The following SLC22A17 variants were observed in gnomAD, a reference collection of about 807,000 sequenced individuals.
The protein encoded by SLC22A17 is solute carrier family 22 member 17.
SLC22A17 carries 38 observed loss-of-function variants against 53.6 expected under a neutral mutation model. That is an observed-to-expected ratio of 0.71 (90% confidence interval 0.55 to 0.93). The LOEUF (loss-of-function observed/expected upper bound fraction) is 0.93, where lower values mean the gene tolerates loss of function less well. SLC22A17 is among the 40% of genes least tolerant of loss of function. The pLI, the probability that SLC22A17 is intolerant of heterozygous loss-of-function variation, is 0.00. For missense variants in SLC22A17, 704 were observed against 791.0 expected (o/e 0.89, Z 1.32); for synonymous variants, 379 against 353.0 (o/e 1.07, Z -0.82).
rs756429235 is a variant in SLC22A17, at chr14:23,349,326, G to A, written c.805C>T (p.Arg269Ter). The A allele has an allele frequency of 1.2e-6, 2 of 1,614,082 alleles. No individual in the cohort carries two copies. Among genetic ancestry groups the A allele is most frequent in the South Asian group, 1.1e-5 (1 of 91,082 alleles). ...GCAAGCAGAAAGCCCAAGAGGAATC[G>A]GAGGGCCATGACGCCTGTGGAGGAG... Residue 269 changes from arginine to a stop codon, truncating the protein, a stop_gained, in exon 4 of 10, where the codon CGA becomes TGA. Transcript: ENST00000397267. LOFTEE classifies it high-confidence loss of function.
At position 23,347,578 on chromosome 14, in the gene SLC22A17, G is replaced by T; in HGVS notation, c.1431C>A (p.Gly477=). 2 of 1,614,068 alleles carry T rather than the reference G, an allele frequency of 1.2e-6. No homozygotes were observed. Among genetic ancestry groups the T allele is most frequent in the Non-Finnish European group, 1.7e-6 (2 of 1,180,002 alleles). ...TAAGGGTCATGGAGAGAAGAAGGAT[G>T]CCCCGGCGGCCAAATCGGTCCACGG... Residue 477 remains glycine, a synonymous_variant, in exon 8 of 10, where the codon GGC becomes GGA. Coordinates refer to ENST00000397267, the Ensembl canonical transcript of SLC22A17. The surrounding 1 kb of genome is among the most constrained non-coding windows in gnomAD (Gnocchi z 5.1).
At chr14:23,349,195 G>T (rs1889455022) in intron 4 of SLC22A17, 77 bp downstream of exon 4, 1 of 1,572,944 alleles carries the variant, frequency 6.4e-7, no homozygotes, top group African/African-American at 1.3e-5. Flanking sequence ...GGCCTAGGGG[G>T]CAGTGAGGAT....
At chr14:23,346,694 C>A (rs770056116) in exon 10 of SLC22A17, 3 of 1,534,758 alleles carry the variant, frequency 2.0e-6, no homozygotes, top group East Asian at 2.3e-5. Flanking sequence ...GTGGTCACAG[C>A]GGGTAGGGGG....
At chr14:23,349,584 C>T (rs1408120956) in intron 3 of SLC22A17, 158 bp from the exon 4 acceptor site, 1 of 848,154 alleles carries the variant, frequency 1.2e-6, no homozygotes, top group Non-Finnish European at 1.8e-6. Context: ...GGGATGGGGA[C>T]CATGGGTGGG....
At position 23,347,420 on chromosome 14, in the gene SLC22A17, G is replaced by A. The variant is rs1177702405; in HGVS notation, c.1549+40C>T. ...GCAGGGTCTGGGGCTTGTCTTGGGA[G>A]GCCTGTGCCAGAAGAAATGGCTGTG... On this transcript the variant is annotated intron_variant, in intron 8 of 9. Coordinates refer to ENST00000397267, the Ensembl canonical transcript of SLC22A17. The surrounding 1 kb of genome is among the most constrained non-coding windows in gnomAD (Gnocchi z 5.1). 1.9e-6 allele frequency: 3 copies of A among 1,598,794 alleles called. No homozygotes were observed. Among genetic ancestry groups the A allele is most frequent in the Non-Finnish European group, 1.7e-6 (2 of 1,171,882 alleles).
chr14:23,348,100 T>C lies in SLC22A17; in HGVS notation c.1171+61A>G. ...GGAGAAGGTGGCACAGCTACAGCCA[T>C]GCAGAGGGCACCATCATGTGTGCAA... On this transcript the variant is annotated intron_variant, in intron 6 of 9. Coordinates refer to ENST00000397267, the Ensembl canonical transcript of SLC22A17. This position sits in a 1 kb window ranked among gnomAD's most constrained non-coding sequence, Gnocchi z 4.5. The C allele has an allele frequency of 1.2e-6, 2 of 1,611,470 alleles. No homozygotes were observed. The highest frequency in any genetic ancestry group is 1.7e-6 in the Non-Finnish European group (2 of 1,178,298).
At chr14:23,350,041 C>T (rs1319414589) in intron 3 of SLC22A17, among the ~76,000 whole-genome samples, 1 of 152,178 alleles carries the variant, frequency 6.6e-6, no homozygotes. Context: ...CGCAGTGGCT[C>T]ACACCTGTAA....
Position 23,348,539 on chromosome 14 carries a change from A to C in SLC22A17, c.992T>G (p.Ile331Ser), listed in dbSNP as rs140170755. The C allele has an allele frequency of 6.2e-7, 1 of 1,614,098 alleles. No homozygotes were observed. Among genetic ancestry groups the C allele is most frequent in the Non-Finnish European group, 8.5e-7 (1 of 1,179,998 alleles). The change falls in exon 5 of 10, where the codon ATC becomes AGC. Residue 331 changes from isoleucine to serine, a missense_variant. Transcript: ENST00000397267. This position sits in a 1 kb window ranked among gnomAD's most constrained non-coding sequence, Gnocchi z 4.5. ...CAGGAAGAGGATGCAGGGAGCGGTGATCATTCGCTGTAGGAATCGCCAATC... is the reference window on the plus strand; with the variant it reads ...CAGGAAGAGGATGCAGGGAGCGGTGCTCATTCGCTGTAGGAATCGCCAATC...
rs199919682 is a variant in SLC22A17 at position 23,348,145 on chromosome 14, G to A, written c.1171+16C>T. ...GTGCAAGTGAGGCAACACTCACAGG[G>A]ATCCCTGTCTCTTACCCTGCAGGGC... On this transcript the variant is annotated intron_variant, in intron 6 of 9. Coordinates refer to ENST00000397267, the Ensembl canonical transcript of SLC22A17. The surrounding 1 kb of genome is among the most constrained non-coding windows in gnomAD (Gnocchi z 4.5). The A allele has an allele frequency of 5.6e-6, 9 of 1,613,736 alleles. No homozygotes were observed. In the East Asian group the frequency reaches 1.8e-4, roughly 32 times the overall value.
In SLC22A17 at chr14:23,348,776, A is replaced by T; in HGVS notation, c.860-105T>A. 8.0e-7 allele frequency: 1 copy of T among 1,250,164 alleles called. No individual in the cohort carries two copies. The highest frequency in any genetic ancestry group is 2.5e-5 in the East Asian group (1 of 39,600). 77.4% of individuals were successfully genotyped at this position (1,250,164 alleles called of 1,614,324 possible). On this transcript the variant is annotated intron_variant, in intron 4 of 9. Transcript: ENST00000397267. The surrounding 1 kb of genome is among the most constrained non-coding windows in gnomAD (Gnocchi z 4.5). ...GGAGGAGGACAGAGAGAGAGGTCAGACCCAGAGTGGAGGCTGCAGCCATTG... is the reference window on the plus strand; with the variant it reads ...GGAGGAGGACAGAGAGAGAGGTCAGTCCCAGAGTGGAGGCTGCAGCCATTG...
Position 23,352,819 on chromosome 14 carries a change from C to T in SLC22A17, c.-78G>A, listed in dbSNP as rs993086890. 2.3e-5 allele frequency: 9 copies of T among 398,228 alleles called. No individual in the cohort carries two copies. The highest frequency in any genetic ancestry group is 4.4e-6 in the Non-Finnish European group (1 of 225,620). The allele number at this position is 398,228 out of a possible 1,614,324, so 24.7% of individuals were successfully genotyped here. A position where few individuals can be genotyped will look rare whatever the true frequency, so the allele number is the denominator to read the frequency against. ...CTGGCTCAGTTGCGCGCCGGCTGCC[C>T]GGACACAGACAGCTCGAAGAGATCC... On this transcript the variant is annotated 5_prime_UTR_variant, in exon 1 of 10. Transcript: ENST00000397267. This position sits in a 1 kb window ranked among gnomAD's most constrained non-coding sequence, Gnocchi z 7.2.
Position 23,347,979 on chromosome 14 carries a change from G to A in SLC22A17, c.1189C>T (p.Pro397Ser), listed in dbSNP as rs1183034989. ...GAAAAGGAGGATGTTGCAGGGAGAG[G>A]GCAGGTATTCTCCAGGTCTTTGGGA... The change falls in exon 7 of 10, where the codon CCT becomes TCT. Residue 397 changes from proline to serine, a missense_variant. Physicochemically the swap from Pro to Ser is moderately conservative, Grantham distance 74. Coordinates refer to ENST00000397267, the Ensembl canonical transcript of SLC22A17. This position sits in a 1 kb window ranked among gnomAD's most constrained non-coding sequence, Gnocchi z 5.1. 17 of 1,614,016 alleles carry A rather than the reference G, an allele frequency of 1.1e-5. No homozygotes were observed. Among genetic ancestry groups the A allele is most frequent in the Non-Finnish European group, 1.4e-5 (16 of 1,180,000 alleles).
chr14:23,352,014 G>A lies in SLC22A17; in HGVS notation c.534C>T (p.Phe178=). 8.1e-6 allele frequency: 13 copies of A among 1,611,466 alleles called. No individual in the cohort carries two copies. Among genetic ancestry groups the A allele is most frequent in the Non-Finnish European group, 1.1e-5 (13 of 1,178,846 alleles). The change falls in exon 2 of 10, where the codon TTC becomes TTT. Residue 178 remains phenylalanine (F), a synonymous_variant. Transcript: ENST00000397267. The surrounding 1 kb of genome is among the most constrained non-coding windows in gnomAD (Gnocchi z 7.2). ...AGTCCCAATCCTTGAGGCAATGGTTGAAGTCCGGCGGGGCGAAGCCGCTGC... is the reference window on the plus strand; with the variant it reads ...AGTCCCAATCCTTGAGGCAATGGTTAAAGTCCGGCGGGGCGAAGCCGCTGC...
rs774320943 is a variant in SLC22A17, at chr14:23,347,861, C to A, written c.1277+30G>T. The A allele has an allele frequency of 5.0e-6, 8 of 1,613,468 alleles. No individual in the cohort carries two copies. Among genetic ancestry groups the A allele is most frequent in the Admixed American group, 3.3e-5 (2 of 59,998 alleles). On this transcript the variant is annotated intron_variant, in intron 7 of 9. Transcript: ENST00000397267. The surrounding 1 kb of genome is among the most constrained non-coding windows in gnomAD (Gnocchi z 5.1). ...GCCAGCCCCCATTCCAGCTACTGGC[C>A]TGGCCCTCAGCCCAGACACCCAGGC...
exon 10 of SLC22A17, chr14:23,346,431 T>G (rs901289320): frequency 1.2e-5 from 7 of 562,906 alleles, no homozygotes; most frequent in Non-Finnish European, 2.1e-5. Flanking sequence ...GGTTACAGTG[T>G]GGAGCTCTCT....
intron 4 of SLC22A17, 99 bp downstream of exon 4, chr14:23,349,173 C>T (rs1192893507): frequency 6.8e-7 from 1 of 1,480,160 alleles, no homozygotes; most frequent in Non-Finnish European, 9.4e-7. Context: ...AGATTCTAGG[C>T]AGCTGAAATG....
chr14:23,351,738 A>G lies in SLC22A17; in HGVS notation c.704+14T>C. ...CCTCCTTTCTACCAGCCCTGCCCCC[A>G]CGACAGCCCTCACCTGTCTGCGGGG... is the stretch of plus-strand genomic sequence containing the variant. On this transcript the variant is annotated intron_variant, in intron 3 of 9. Coordinates refer to ENST00000397267, the Ensembl canonical transcript of SLC22A17. 1 of 1,606,782 alleles carries G rather than the reference A, an allele frequency of 6.2e-7. No homozygotes were observed. Among genetic ancestry groups the G allele is most frequent in the Non-Finnish European group, 8.5e-7 (1 of 1,177,160 alleles).
In SLC22A17 at chr14:23,347,485, C is replaced by G. The variant is rs770212781; in HGVS notation, c.1524G>C (p.Trp508Cys). 1 of 1,613,948 alleles carries G rather than the reference C, an allele frequency of 6.2e-7. No individual in the cohort carries two copies. Among genetic ancestry groups the G allele is most frequent in the Non-Finnish European group, 8.5e-7 (1 of 1,179,934 alleles). Residue 508 changes from tryptophan (W) to cysteine (C), a missense_variant, in exon 8 of 10, where the codon TGG becomes TGC. By Grantham distance (215) the Trp-to-Cys change is radical (BLOSUM62 -2). This residue lies in a region of SLC22A17 where 435 missense variants were observed against 529.0 expected (regional missense o/e 0.82). Transcript: ENST00000397267. This position sits in a 1 kb window ranked among gnomAD's most constrained non-coding sequence, Gnocchi z 5.1. ...CTCTGTTGGGGTTCCCTTGTTGAGC[C>G]CACACTGTGGGGAAGATAGGATGCT...
Position 23,348,408 on chromosome 14 carries a change from A to C in SLC22A17, c.1025+98T>G. The stretch of plus-strand genomic sequence containing the variant: ...GGGACTGGGGCTGGGGTAGGCCTGG[A>C]CCAGGGGTAGTTGGAGAAGAGGAGG... On this transcript the variant is annotated intron_variant, in intron 5 of 9. Transcript: ENST00000397267. This position sits in a 1 kb window ranked among gnomAD's most constrained non-coding sequence, Gnocchi z 4.5. 6.3e-7 allele frequency: 1 copy of C among 1,583,624 alleles called. No homozygotes were observed.
Sources: allele counts gnomAD v4.1 joint callset (sites outside exome capture counted in the v4.1 genomes callset), GRCh38; gene constraint gnomAD v4.1.1; regional missense constraint gnomAD v4.1.1; non-coding constraint Gnocchi (gnomAD v3.1); transcripts MANE v1.5; gene names NCBI Gene and HGNC (gene_info 2026-07-23, HGNC 2026-07-21).